ACSF2: variants seen among roughly 807,000 people sequenced by gnomAD.
The protein encoded by ACSF2 is medium-chain acyl-CoA ligase ACSF2, mitochondrial.
Under a neutral mutation model 79.3 loss-of-function variants are expected in ACSF2, and 52 were observed. The ratio of observed to expected loss-of-function variants is 0.66; its 90% CI spans 0.53 to 0.83. ACSF2 has a LOEUF of 0.83. Among genes scored for constraint, ACSF2 ranks in the 40% least tolerant of loss-of-function variants. The pLI, the probability that ACSF2 is intolerant of heterozygous loss-of-function variation, is 0.00. For synonymous variants in ACSF2, 283 were observed against 312.6 expected, an observed-to-expected ratio of 0.91 and a Z score of 1.00; for missense variants, 661 against 803.3, an observed-to-expected ratio of 0.82 and a Z score of 2.14.
intron 1 of ACSF2, among the ~76,000 whole-genome samples, chr17:50,459,547 T>A (rs151231189): frequency 3.9e-5 from 6 of 152,290 alleles, no homozygotes; most frequent in Middle Eastern, 3.4e-3. Context: ...CATGCCTGGC[T>A]CAGGTGCCAC....
At chr17:50,470,142 T>G (rs1007715785) in intron 10 of ACSF2, 1 of 152,398 alleles carries the variant, frequency 6.6e-6, no homozygotes, top group Non-Finnish European at 1.5e-5. Flanking sequence ...GGGAGGAGGA[T>G]GGATGAGATC....
Position 50,469,092 on chromosome 17 carries a change from C to T in ACSF2, c.1216-1936C>T, listed in dbSNP as rs12946728. On this transcript the variant is annotated intron_variant, in intron 10 of 15. Coordinates refer to ENST00000300441, the MANE Select transcript of ACSF2 (RefSeq NM_025149.6). ...GACCGTGGCCCCCGAGCCCCGAGCC[C>T]TGAGCCCCGGCTGTAGCCCCCCGCT... 5.8e-6 allele frequency: 7 copies of T among 1,206,146 alleles called. No homozygotes were observed. The African/African-American group carries it at 9.6e-5, about 17-fold the overall frequency. 74.7% of individuals were successfully genotyped at this position (1,206,146 alleles called of 1,614,324 possible).
intron 10 of ACSF2, chr17:50,469,086 C>G: frequency 8.2e-7 from 1 of 1,217,348 alleles, no homozygotes; most frequent in Non-Finnish European, 1.0e-6. Context: ...CCCCGAGCCC[C>G]GAGCCCTGAG....
intron 10 of ACSF2, among the ~76,000 whole-genome samples, chr17:50,470,472 G>A (rs920958069): frequency 1.3e-5 from 2 of 152,028 alleles, no homozygotes; most frequent in East Asian, 1.9e-4. Context: ...ATAAATTCAC[G>A]GGAAACTCTC....
At chr17:50,465,760 G>A (rs766176592) in intron 10 of ACSF2, 60 of 1,613,804 alleles carry the variant, frequency 3.7e-5, no homozygotes, top group African/African-American at 5.3e-5. Flanking sequence ...TGGTAAGGGC[G>A]AGGGTCTCCA....
chr17:50,463,618 T>G lies in ACSF2; in HGVS notation c.1046+66T>G. 14 of 1,571,930 alleles carry G rather than the reference T, an allele frequency of 8.9e-6. No individual in the cohort carries two copies. Among genetic ancestry groups the G allele is most frequent in the Non-Finnish European group, 1.1e-5 (13 of 1,153,038 alleles). On this transcript the variant is annotated intron_variant, in intron 8 of 15. Transcript: ENST00000300441. This position sits in a 1 kb window ranked among gnomAD's most constrained non-coding sequence, Gnocchi z 4.6. ...CCTCTTCTTCCTCACTCCTGGGCCCTGACACCTTTCCAAGCTGCCTCCTCC... is the reference window on the plus strand; with the variant it reads ...CCTCTTCTTCCTCACTCCTGGGCCCGGACACCTTTCCAAGCTGCCTCCTCC...
At chr17:50,435,938 GTTGT>G (rs1458398524) in intron 1 of ACSF2, among the ~76,000 whole-genome samples, 1 of 151,064 alleles carries the variant, frequency 6.6e-6, no homozygotes, top group Non-Finnish European at 1.5e-5. Flanking sequence ...GTTTTTTTTT[GTTGT>G]TTGTTTGTTT....
intron 1 of ACSF2, among the ~76,000 whole-genome samples, chr17:50,439,232 CTTT>C (rs754203020): frequency 1.0e-5 from 1 of 96,460 alleles, no homozygotes; most frequent in Non-Finnish European, 2.0e-5. Context: ...TACCACACAG[CTTT>C]TTTTTTTTTT....
chr17:50,444,515 A>G (rs2031163344), intron 1 of ACSF2, among the ~76,000 whole-genome samples: 2 of 152,078 alleles, frequency 1.3e-5, no homozygotes, highest in Non-Finnish European at 2.9e-5. Flanking sequence ...AGATCGCACC[A>G]CTGCACTCCA....
intron 1 of ACSF2, among the ~76,000 whole-genome samples, chr17:50,451,204 C>T (rs1351376091): frequency 6.6e-6 from 1 of 152,206 alleles, no homozygotes; most frequent in Admixed American, 6.5e-5. Flanking sequence ...TCAGAGAGTA[C>T]TGGGCTTACA....
rs938367733 is a variant in ACSF2 at position 50,471,731 on chromosome 17, C to T, written c.1323+596C>T. 7 of 158,962 alleles carry T rather than the reference C, an allele frequency of 4.4e-5. No homozygotes were observed. Among genetic ancestry groups the T allele is most frequent in the South Asian group, 1.9e-4 (1 of 5,336 alleles). 9.8% of individuals were successfully genotyped at this position (158,962 alleles called of 1,614,324 possible). ...CCCGCCCCTGGGGGATCGCTGCCCC[C>T]GTGCACAAGCAGCTGCTTCCCCTGG... On this transcript the variant is annotated intron_variant, in intron 11 of 15. Transcript: ENST00000300441. The surrounding 1 kb of genome is among the most constrained non-coding windows in gnomAD (Gnocchi z 4.1).
chr17:50,474,121 G>A lies in ACSF2; in HGVS notation c.1729-78G>A. ...CTTGACGAAGCTGACTCCTGGCCAG[G>A]CCAGCCCCTGGTCCCCTACCCATAC... On this transcript the variant is annotated intron_variant, in intron 14 of 15. Coordinates refer to ENST00000300441, the MANE Select transcript of ACSF2 (RefSeq NM_025149.6). This position sits in a 1 kb window ranked among gnomAD's most constrained non-coding sequence, Gnocchi z 4.2. The A allele has an allele frequency of 6.2e-7, 1 of 1,600,196 alleles. No individual in the cohort carries two copies. Among genetic ancestry groups the A allele is most frequent in the Non-Finnish European group, 8.6e-7 (1 of 1,168,308 alleles).
At chr17:50,470,687 G>T (rs943549881) in intron 10 of ACSF2, among the ~76,000 whole-genome samples, 1 of 152,014 alleles carries the variant, frequency 6.6e-6, no homozygotes, top group South Asian at 2.1e-4. Context: ...CCAGGGGATG[G>T]GGGGAGAAGT....
chr17:50,452,521 G>C (rs928835068), intron 1 of ACSF2, among the ~76,000 whole-genome samples: 1 of 151,902 alleles, frequency 6.6e-6, no homozygotes, highest in Non-Finnish European at 1.5e-5. Flanking sequence ...GGGTCGAGGG[G>C]TGGGGCCGGG....
chr17:50,472,227 C>A, intron 11 of ACSF2: 1 of 565,982 alleles, frequency 1.8e-6, no homozygotes, highest in Non-Finnish European at 3.0e-6. Flanking sequence ...CTTTCATGCC[C>A]AGCTCAGGTC....
intron 1 of ACSF2, among the ~76,000 whole-genome samples, chr17:50,432,759 C>G (rs2030040896): frequency 6.6e-6 from 1 of 152,182 alleles, no homozygotes; most frequent in South Asian, 2.1e-4. Context: ...AAATCCCAGT[C>G]CTACCAGTCC....
At position 50,473,736 on chromosome 17, in the gene ACSF2, G is replaced by T. The variant is rs1207127107; in HGVS notation, c.1547G>T (p.Gly516Val). 2.5e-6 allele frequency: 4 copies of T among 1,614,238 alleles called. No individual in the cohort carries two copies. The highest frequency in any genetic ancestry group is 3.4e-6 in the Non-Finnish European group (4 of 1,180,062). The change falls in exon 13 of 16, where the codon GGT (glycine) becomes GTT (valine). Residue 516 changes from glycine to valine, a missense_variant. Gly to Val is a moderately radical substitution (Grantham distance 109). Transcript: ENST00000300441. The stretch of plus-strand genomic sequence containing the variant: ...CGCTCTAAGGATATGATCATCCGGG[G>T]TGGTGAGAACATCTACCCCGCAGAG... ...VGRSKDMIIR[G>V]GENIYPAELE...
chr17:50,429,887 C>T (rs1454083600), intron 1 of ACSF2, among the ~76,000 whole-genome samples: 1 of 152,214 alleles, frequency 6.6e-6, no homozygotes, highest in Non-Finnish European at 1.5e-5. Flanking sequence ...CGACCAACTC[C>T]TTCCCCCTAT....
At chr17:50,449,256 A>G (rs1042568404) in intron 1 of ACSF2, among the ~76,000 whole-genome samples, 1 of 151,890 alleles carries the variant, frequency 6.6e-6, no homozygotes, top group African/African-American at 2.4e-5. Context: ...AGCTCAGGCA[A>G]TCTGCCTCCC....
Sources: gnomAD v4.1 joint callset for allele counts (sites outside exome capture counted in the v4.1 genomes callset) on GRCh38, gnomAD v4.1.1 for gene constraint, Gnocchi (gnomAD v3.1) non-coding constraint, MANE v1.5 for transcripts, NCBI Gene and HGNC (gene_info 2026-07-23, HGNC 2026-07-21) for gene names.